The following ESCO1 variants were observed in gnomAD, a reference collection of about 807,000 sequenced individuals.
The protein encoded by ESCO1 is establishment of sister chromatid cohesion N-acetyltransferase 1, also known as N-acetyltransferase ESCO1.
In ESCO1, 33 loss-of-function variants were observed where a neutral mutation model predicts 83.5. The observed-to-expected ratio is 0.40, with a 90% CI of 0.30 to 0.53. The LOEUF (loss-of-function observed/expected upper bound fraction) is 0.53, where lower values mean the gene tolerates loss of function less well. ESCO1 is among the 20% of genes least tolerant of loss of function. The pLI is 0.63. For missense variants in ESCO1, 855 were observed against 968.0 expected, an observed-to-expected ratio of 0.88 and a Z score of 1.55; for synonymous variants, 332 against 324.3, an observed-to-expected ratio of 1.02 and a Z score of -0.25.
rs2038379531 is a variant in ESCO1 at position 21,574,012 on chromosome 18, T to C, written c.832A>G (p.Lys278Glu). The change falls in exon 4 of 12, where the codon AAA becomes GAA. Residue 278 changes from lysine to glutamate, a missense_variant. Lys to Glu is a moderately conservative substitution (Grantham distance 56). Coordinates refer to ENST00000269214, the MANE Select transcript of ESCO1 (RefSeq NM_052911.3). Reference protein sequence around the residue: ...TQVNTNTTLPKSPQPSVPEQS... With the variant: ...TQVNTNTTLPESPQPSVPEQS... Reference sequence around the variant, plus strand: ...TCAGGCACTGATGGCTGTGGACTTTTTGGGAGTGTTGTGTTAGTATTCACT... The same window carrying C: ...TCAGGCACTGATGGCTGTGGACTTTCTGGGAGTGTTGTGTTAGTATTCACT... The C allele has an allele frequency of 1.9e-6, 3 of 1,613,592 alleles. No individual in the cohort carries two copies. The highest frequency in any genetic ancestry group is 2.5e-6 in the Non-Finnish European group (3 of 1,180,018).
chr18:21,573,690 G>C lies in ESCO1; in HGVS notation c.1154C>G (p.Ala385Gly). ...KCILNGINSS[A>G]KKNSNWTKIK... The stretch of plus-strand genomic sequence containing the variant: ...TTTAGTCCAGTTGGAGTTCTTCTTG[G>C]CTGAGCTGTTTATTCCATTTAGTAT... Residue 385 changes from alanine (A) to glycine (G), a missense_variant, in exon 4 of 12, where the codon GCC becomes GGC. Coordinates refer to ENST00000269214, the MANE Select transcript of ESCO1 (RefSeq NM_052911.3). 2 of 1,614,088 alleles carry C rather than the reference G, an allele frequency of 1.2e-6. No homozygotes were observed. Among genetic ancestry groups the C allele is most frequent in the Non-Finnish European group, 1.7e-6 (2 of 1,180,014 alleles).
At chr18:21,595,268 G>T (rs2038745630) in intron 1 of ESCO1, among the ~76,000 whole-genome samples, 1 of 148,448 alleles carries the variant, frequency 6.7e-6, no homozygotes, top group Admixed American at 6.9e-5. Flanking sequence ...AAACTGAACA[G>T]TATCTGTGTT....
chr18:21,557,811 T>C (rs879250023), intron 8 of ESCO1, among the ~76,000 whole-genome samples: 2 of 152,160 alleles, frequency 1.3e-5, no homozygotes, highest in Admixed American at 1.3e-4. Context: ...TGGCTCAATA[T>C]GTATGCCAGG....
intron 2 of ESCO1, among the ~76,000 whole-genome samples, chr18:21,581,232 A>G (rs967510728): frequency 6.6e-6 from 1 of 151,532 alleles, no homozygotes; most frequent in Non-Finnish European, 1.5e-5. Context: ...GAGGCAGGAG[A>G]ATGGCGTGAA....
chr18:21,577,659 C>CAAA (rs60796995), intron 2 of ESCO1, among the ~76,000 whole-genome samples: 1 of 69,164 alleles, frequency 1.4e-5, no homozygotes, highest in African/African-American at 4.6e-5. Context: ...GACTCCGTCT[C>CAAA]AAAAAAAAAA....
intron 9 of ESCO1, among the ~76,000 whole-genome samples, chr18:21,538,269 C>T (rs2037861142): frequency 7.1e-6 from 1 of 141,066 alleles, no homozygotes; most frequent in Admixed American, 7.5e-5. Flanking sequence ...CTGGGCAACA[C>T]GGTGAGACCC....
chr18:21,577,457 G>A (rs1296987963), intron 2 of ESCO1, among the ~76,000 whole-genome samples: 5 of 149,566 alleles, frequency 3.3e-5, no homozygotes, highest in Admixed American at 2.0e-4. Flanking sequence ...TCAGGAGGTC[G>A]AGACCATCCT....
intron 8 of ESCO1, among the ~76,000 whole-genome samples, chr18:21,553,882 AAC>A (rs2038079052): frequency 6.6e-6 from 1 of 151,432 alleles, no homozygotes; most frequent in East Asian, 1.9e-4. Flanking sequence ...AAAAAACACA[AAC>A]ACACAAAAAA....
rs1043674375 is a variant in ESCO1 at position 21,574,121 on chromosome 18, A to C, written c.723T>G (p.Pro241=). Residue 241 remains proline, a synonymous_variant, in exon 4 of 12, where the codon CCT becomes CCG. Transcript: ENST00000269214. ...TTRRDETKPV[P]VTSEVKRSKM... is the part of the protein sequence containing the mutation. ...TTGATCTTTTCACCTCAGAAGTTAC[A>C]GGCACAGGTTTCGTTTCGTCTCTTC... 1 of 1,613,644 alleles carries C rather than the reference A, an allele frequency of 6.2e-7. No homozygotes were observed. Among genetic ancestry groups the C allele is most frequent in the Admixed American group, 1.7e-5 (1 of 60,000 alleles).
At chr18:21,556,763 C>A (rs910115032) in intron 8 of ESCO1, among the ~76,000 whole-genome samples, 26 of 152,056 alleles carry the variant, frequency 1.7e-4, no homozygotes, top group African/African-American at 5.8e-4. Flanking sequence ...TACAGTGGCA[C>A]GATCTCGGCT....
chr18:21,549,431 T>G (rs929756580), intron 8 of ESCO1, among the ~76,000 whole-genome samples: 2 of 152,064 alleles, frequency 1.3e-5, no homozygotes, highest in African/African-American at 4.8e-5. Context: ...GTTTTTTTTT[T>G]GGAGACGGAG....
At chr18:21,591,105 T>C (rs2038661453) in intron 1 of ESCO1, among the ~76,000 whole-genome samples, 1 of 152,180 alleles carries the variant, frequency 6.6e-6, no homozygotes, top group Non-Finnish European at 1.5e-5. Flanking sequence ...AAAAAGGTCT[T>C]TGCAGACATA....
chr18:21,574,571 CCT>C lies in ESCO1; in HGVS notation c.271_272del (p.Arg91GlyfsTer19). 6.2e-7 allele frequency: 1 copy of C among 1,613,928 alleles called. No homozygotes were observed. The highest frequency in any genetic ancestry group is 8.5e-7 in the Non-Finnish European group (1 of 1,179,986). On this transcript the variant is annotated frameshift_variant, in exon 4 of 12. Transcript: ENST00000269214. LOFTEE classifies it high-confidence loss of function. ...TTTTTGTAGATTCTTGTGAATATCC[CCT>C]CACAGTCACCGTATTTTTATTAATG... ...KSINKNTVTV[R>X]GYSQESTKKK... is the part of the protein sequence containing the mutation.
chr18:21,560,154 T>C (rs927778597), intron 8 of ESCO1, among the ~76,000 whole-genome samples: 5 of 152,110 alleles, frequency 3.3e-5, no homozygotes, highest in African/African-American at 7.2e-5. Context: ...ATTTCAGATA[T>C]GGGTAAACAG....
At chr18:21,556,906 G>A (rs1444127776) in intron 8 of ESCO1, among the ~76,000 whole-genome samples, 3 of 152,012 alleles carry the variant, frequency 2.0e-5, no homozygotes, top group Non-Finnish European at 4.4e-5. Context: ...TCACCATGTC[G>A]GTCAGGTTAG....
chr18:21,572,244 T>A (rs993800501), intron 4 of ESCO1, among the ~76,000 whole-genome samples: 1 of 152,214 alleles, frequency 6.6e-6, no homozygotes, highest in Non-Finnish European at 1.5e-5. Flanking sequence ...AGTTTTCTTA[T>A]TATAAAATTA....
intron 2 of ESCO1, among the ~76,000 whole-genome samples, chr18:21,577,181 C>G (rs2038429866): frequency 6.6e-6 from 1 of 151,442 alleles, no homozygotes; most frequent in African/African-American, 2.4e-5. Flanking sequence ...ATGGTGAAAC[C>G]CTATCTCTAC....
intron 2 of ESCO1, among the ~76,000 whole-genome samples, chr18:21,580,201 C>CA (rs111408300): frequency 6.6e-6 from 1 of 151,782 alleles, no homozygotes; most frequent in Non-Finnish European, 1.5e-5. Context: ...GCCCAGCCCC[C>CA]AAAAATTTTT....
intron 8 of ESCO1, among the ~76,000 whole-genome samples, chr18:21,552,909 G>A (rs1201365787): frequency 1.3e-5 from 2 of 152,190 alleles, no homozygotes; most frequent in East Asian, 3.9e-4. Context: ...GTATGGCAAT[G>A]ACATTTTAAG....
Sources: gnomAD v4.1 joint callset for allele counts (sites outside exome capture counted in the v4.1 genomes callset) on GRCh38, gnomAD v4.1.1 for gene constraint, MANE v1.5 for transcripts, NCBI Gene and HGNC (gene_info 2026-07-23, HGNC 2026-07-21) for gene names.